RNF149: variants seen among roughly 807,000 people sequenced by gnomAD.
The protein encoded by RNF149 is E3 ubiquitin-protein ligase RNF149.
Under a neutral mutation model 39.0 loss-of-function variants are expected in RNF149, and 21 were observed. That is an observed-to-expected ratio of 0.54 (90% CI 0.38 to 0.77). The LOEUF (loss-of-function observed/expected upper bound fraction) is 0.77, where lower values mean the gene tolerates loss of function less well. Among genes scored for constraint, RNF149 ranks in the 30% least tolerant of loss-of-function variants. RNF149 has a pLI of 0.00. For synonymous variants in RNF149, 209 were observed against 213.6 expected, an observed-to-expected ratio of 0.98 and a Z score of 0.19; for missense variants, 493 against 534.9, an observed-to-expected ratio of 0.92 and a Z score of 0.77.
intron 4 of RNF149, chr2:101,288,762 G>T (rs1349588607): frequency 2.2e-6 from 1 of 449,916 alleles, no homozygotes; most frequent in Non-Finnish European, 3.9e-6. Context: ...GATACTTAAC[G>T]AGTCTTAGTG....
downstream of RNF149, among the ~76,000 whole-genome samples, chr2:101,275,114 T>G (rs1682282416): frequency 8.6e-6 from 1 of 116,856 alleles, no homozygotes; most frequent in Admixed American, 8.9e-5. Context: ...TATTTCTGTT[T>G]TTTTTTTTTT....
chr2:101,282,438 G>C (rs1682629267), intron 5 of RNF149, among the ~76,000 whole-genome samples: 1 of 152,008 alleles, frequency 6.6e-6, no homozygotes, highest in South Asian at 2.1e-4. Flanking sequence ...TAGGGTTTCA[G>C]AAATAAACAA....
At chr2:101,279,962 T>A (rs1233965288) in intron 6 of RNF149, among the ~76,000 whole-genome samples, 1 of 152,176 alleles carries the variant, frequency 6.6e-6, no homozygotes, top group Non-Finnish European at 1.5e-5. Context: ...GAGATTTTCT[T>A]TTACTTGGCA....
chr2:101,301,178 C>T (rs1449104999), intron 1 of RNF149, among the ~76,000 whole-genome samples: 1 of 152,108 alleles, frequency 6.6e-6, no homozygotes, highest in Non-Finnish European at 1.5e-5. Context: ...AATCCCTCTT[C>T]CCCAAAAGAA....
chr2:101,305,006 A>T (rs1683602116), intron 1 of RNF149, among the ~76,000 whole-genome samples: 1 of 151,906 alleles, frequency 6.6e-6, no homozygotes, highest in African/African-American at 2.4e-5. Flanking sequence ...ATGCCCGGCT[A>T]ATTTTTGCAT....
downstream of RNF149, among the ~76,000 whole-genome samples, chr2:101,273,856 T>C (rs1376595950): frequency 1.3e-5 from 2 of 152,210 alleles, no homozygotes; most frequent in African/African-American, 4.8e-5. Flanking sequence ...ACAGTTTTCT[T>C]CTCTTGCTAA....
chr2:101,301,999 C>G (rs540859190), intron 1 of RNF149, among the ~76,000 whole-genome samples: 14 of 152,174 alleles, frequency 9.2e-5, no homozygotes, highest in Non-Finnish European at 1.9e-4. Context: ...TCCAGGTTTT[C>G]TTTTCCCCAC....
chr2:101,287,149 C>T (rs1389495481), intron 4 of RNF149, among the ~76,000 whole-genome samples: 2 of 150,622 alleles, frequency 1.3e-5, no homozygotes, highest in African/African-American at 2.4e-5. Flanking sequence ...TGGTGAAACC[C>T]GCTCTACACT....
intron 5 of RNF149, among the ~76,000 whole-genome samples, chr2:101,284,705 G>A (rs969591283): frequency 3.3e-5 from 5 of 152,074 alleles, no homozygotes; most frequent in Non-Finnish European, 7.4e-5. Context: ...CTTGTTTAAC[G>A]GGTCAGTTCT....
chr2:101,305,511 T>A (rs1374420821), intron 1 of RNF149, among the ~76,000 whole-genome samples: 2 of 152,212 alleles, frequency 1.3e-5, no homozygotes, highest in Non-Finnish European at 1.5e-5. Context: ...TTCCCTTTAA[T>A]CAGTGCTTCA....
At chr2:101,272,402 GAC>G (rs376238967), downstream of RNF149, among the ~76,000 whole-genome samples, 339 of 152,288 alleles carry the variant, frequency 2.2e-3, 1 homozygote, top group South Asian at 9.9e-3. Context: ...GGCTGATTAT[GAC>G]ACAGTAGAAA....
chr2:101,284,861 T>C (rs1359691203), intron 5 of RNF149, among the ~76,000 whole-genome samples: 1 of 152,204 alleles, frequency 6.6e-6, no homozygotes, highest in African/African-American at 2.4e-5. Flanking sequence ...GCAACAAGAC[T>C]ATATTTGATA....
At chr2:101,281,151 A>G (rs1682568110) in intron 6 of RNF149, among the ~76,000 whole-genome samples, 1 of 152,230 alleles carries the variant, frequency 6.6e-6, no homozygotes. Context: ...ATACATAATG[A>G]TTTCAAAGTG....
downstream of RNF149, among the ~76,000 whole-genome samples, chr2:101,274,597 A>T (rs1342304523): frequency 6.6e-6 from 1 of 152,214 alleles, no homozygotes; most frequent in Non-Finnish European, 1.5e-5. Context: ...CTTACCTCGA[A>T]GGAGACACAG....
intron 6 of RNF149, 63 bp from the exon 7 acceptor site, chr2:101,277,344 T>C: frequency 1.3e-6 from 2 of 1,550,334 alleles, no homozygotes; most frequent in East Asian, 2.3e-5. Flanking sequence ...GCTTCAACTA[T>C]GCAAACACAC....
intron 1 of RNF149, among the ~76,000 whole-genome samples, chr2:101,301,365 T>C (rs1683445905): frequency 6.6e-6 from 1 of 152,054 alleles, no homozygotes; most frequent in African/African-American, 2.4e-5. Context: ...TCTCACTCTG[T>C]TGCCCAGGCT....
chr2:101,276,830 G>GA lies in RNF149; in HGVS notation c.*407dup, dbSNP rs948360703. The GA allele has an allele frequency of 1.0e-6, 1 of 988,830 alleles. No individual in the cohort carries two copies. Among genetic ancestry groups the GA allele is most frequent in the African/African-American group, 1.8e-5 (1 of 56,986 alleles). The allele number at this position is 988,830 out of a possible 1,614,324, so 61.3% of individuals were successfully genotyped here. ...GGGAAAGCCCATGAGATCAATTATC[G>GA]AATTGAATTATACAATTCCACTTCA... is the stretch of plus-strand genomic sequence containing the variant. On this transcript the variant is annotated 3_prime_UTR_variant, in exon 7 of 7. Coordinates refer to ENST00000295317, the MANE Select transcript of RNF149 (RefSeq NM_173647.4).
chr2:101,279,661 C>T (rs1422242615), intron 6 of RNF149, among the ~76,000 whole-genome samples: 1 of 152,216 alleles, frequency 6.6e-6, no homozygotes, highest in East Asian at 1.9e-4. Flanking sequence ...AATGCCTACA[C>T]AGATCAATCG....
intron 6 of RNF149, among the ~76,000 whole-genome samples, chr2:101,280,225 G>A (rs1682527801): frequency 1.3e-5 from 2 of 150,098 alleles, no homozygotes; most frequent in South Asian, 4.2e-4. Flanking sequence ...TGATAATGTA[G>A]AATAGTCCAG....
Sources: allele counts gnomAD v4.1 joint callset (sites outside exome capture counted in the v4.1 genomes callset), GRCh38; gene constraint gnomAD v4.1.1; transcripts MANE v1.5; gene names NCBI Gene and HGNC (gene_info 2026-07-23, HGNC 2026-07-21).